Variants in RAPGEF4 observed in about 807,000 individuals in gnomAD.
RAPGEF4 encodes RAP guanine-nucleotide-exchange factor (GEF) 4.
Under a neutral mutation model 147.9 loss-of-function variants are expected in RAPGEF4, and 66 were observed. The observed-to-expected ratio is 0.45, with a 90% CI of 0.37 to 0.55. The LOEUF is 0.55. RAPGEF4 is among the 20% of genes least tolerant of loss of function. RAPGEF4 has a pLI of 0.00. For synonymous variants in RAPGEF4, 419 were observed against 442.7 expected (o/e 0.95, Z 0.67); for missense variants, 1,071 against 1,257.3 (o/e 0.85, Z 2.24).
chr2:172,853,572 C>T (rs1693097385), intron 4 of RAPGEF4, among the ~76,000 whole-genome samples: 1 of 151,756 alleles, frequency 6.6e-6, no homozygotes, highest in Admixed American at 6.6e-5. Flanking sequence ...CGTTCCTTCT[C>T]TTTACTTTGG....
At chr2:173,007,707 A>G (rs1224479970) in intron 17 of RAPGEF4, among the ~76,000 whole-genome samples, 1 of 152,248 alleles carries the variant, frequency 6.6e-6, no homozygotes, top group African/African-American at 2.4e-5. Flanking sequence ...TAGGGAAGCC[A>G]GGATGGGACC....
intron 8 of RAPGEF4, among the ~76,000 whole-genome samples, chr2:172,963,796 G>A (rs1689542168): frequency 6.6e-6 from 1 of 152,154 alleles, no homozygotes; most frequent in Non-Finnish European, 1.5e-5. Flanking sequence ...TATTGCCACA[G>A]TATTCGGGGG....
chr2:172,859,578 T>G (rs1693796240), intron 4 of RAPGEF4, among the ~76,000 whole-genome samples: 1 of 152,234 alleles, frequency 6.6e-6, no homozygotes, highest in Admixed American at 6.5e-5. Flanking sequence ...TGTATGGAAC[T>G]TGCTAAGTCA....
At chr2:172,919,689 A>G (rs1684511419) in intron 5 of RAPGEF4, among the ~76,000 whole-genome samples, 1 of 152,122 alleles carries the variant, frequency 6.6e-6, no homozygotes, top group Admixed American at 6.5e-5. Context: ...CTAAGTTTCC[A>G]GGTGACCTCA....
chr2:172,940,662 A>G (rs1278674360), intron 6 of RAPGEF4, among the ~76,000 whole-genome samples: 3 of 152,256 alleles, frequency 2.0e-5, no homozygotes, highest in African/African-American at 7.2e-5. Context: ...AGTATCAGGT[A>G]TTTCTTTATA....
At chr2:172,875,347 C>T (rs971418433) in intron 4 of RAPGEF4, among the ~76,000 whole-genome samples, 48 of 151,838 alleles carry the variant, frequency 3.2e-4, no homozygotes, top group African/African-American at 1.1e-3. Context: ...AATGGTATTG[C>T]CTAGGTTTTC....
chr2:172,978,044 TC>T, intron 10 of RAPGEF4, among the ~76,000 whole-genome samples: 1 of 152,208 alleles, frequency 6.6e-6, no homozygotes, highest in Non-Finnish European at 1.5e-5. Context: ...TAGGCTTTGT[TC>T]CCTTTAGTCC....
At chr2:172,943,837 A>G (rs1254194259) in intron 6 of RAPGEF4, among the ~76,000 whole-genome samples, 1 of 152,150 alleles carries the variant, frequency 6.6e-6, no homozygotes, top group African/African-American at 2.4e-5. Context: ...TCTGTTCTAT[A>G]TCTTCATAAA....
intron 4 of RAPGEF4, among the ~76,000 whole-genome samples, chr2:172,913,388 G>T (rs1361782763): frequency 6.6e-6 from 1 of 152,184 alleles, no homozygotes; most frequent in Non-Finnish European, 1.5e-5. Flanking sequence ...ACTTCATTAT[G>T]CTCACAGATT....
chr2:172,874,933 G>A (rs1474860165), intron 4 of RAPGEF4, among the ~76,000 whole-genome samples: 32 of 152,216 alleles, frequency 2.1e-4, no homozygotes, highest in African/African-American at 6.0e-4. Flanking sequence ...TTTAATGATC[G>A]CCATTCTAAC....
chr2:172,831,829 A>G, intron 4 of RAPGEF4, among the ~76,000 whole-genome samples: 1 of 152,202 alleles, frequency 6.6e-6, no homozygotes, highest in East Asian at 1.9e-4. Context: ...TTATCCCTGT[A>G]AATTACCTCT....
At chr2:172,810,665 A>G (rs1287634984) in intron 3 of RAPGEF4, among the ~76,000 whole-genome samples, 1 of 152,236 alleles carries the variant, frequency 6.6e-6, no homozygotes. Context: ...AATTGATCTC[A>G]GGTAACCCAG....
At chr2:172,909,632 C>T (rs1395677928) in intron 4 of RAPGEF4, among the ~76,000 whole-genome samples, 1 of 152,138 alleles carries the variant, frequency 6.6e-6, no homozygotes, top group Non-Finnish European at 1.5e-5. Flanking sequence ...TAAAGACCTG[C>T]TGAGTCACCT....
chr2:172,796,433 C>A (rs1304849680), intron 2 of RAPGEF4, among the ~76,000 whole-genome samples: 2 of 151,926 alleles, frequency 1.3e-5, no homozygotes, highest in Non-Finnish European at 2.9e-5. Flanking sequence ...AAAATACAAA[C>A]AATTAGCCGG....
At chr2:172,912,605 A>C (rs1274004621) in intron 4 of RAPGEF4, among the ~76,000 whole-genome samples, 1 of 152,132 alleles carries the variant, frequency 6.6e-6, no homozygotes, top group Non-Finnish European at 1.5e-5. Context: ...TTTATTTTTG[A>C]ACTCTGCAAG....
At chr2:172,796,801 A>C (rs1448951156) in intron 2 of RAPGEF4, among the ~76,000 whole-genome samples, 3 of 152,172 alleles carry the variant, frequency 2.0e-5, no homozygotes, top group Admixed American at 2.0e-4. Flanking sequence ...CTCTGACTTT[A>C]AGTGTGAAGA....
rs1553533393 is a variant in RAPGEF4 at position 172,931,174 on chromosome 2, G to GC, written c.537+8874_537+8875insC. Among the ~76,000 whole-genome samples the GC allele has an allele frequency of 7.1e-5, 7 of 98,230 alleles. 1 individual carries two copies. The highest frequency in any genetic ancestry group is 1.1e-3 in the South Asian group (2 of 1,902). The allele number at this position is 98,230 out of a possible 152,430, so 64.4% of individuals were successfully genotyped here. On this transcript the variant is annotated intron_variant, in intron 6 of 30. Coordinates refer to ENST00000397081, the MANE Select transcript of RAPGEF4 (RefSeq NM_007023.4). ...AGTAAGATCAAGCCAGGCCGGGGTG[G>GC]GGGGGGGGGGCGCTGGGGGGCGGGG...
intron 4 of RAPGEF4, among the ~76,000 whole-genome samples, chr2:172,862,981 A>C (rs1694201132): frequency 6.6e-6 from 1 of 152,166 alleles, no homozygotes; most frequent in Non-Finnish European, 1.5e-5. Context: ...AGGGTGGAAC[A>C]GTACCTTTGA....
chr2:172,961,271 T>C (rs1689264530), intron 8 of RAPGEF4, 43 bp downstream of exon 8: 1 of 1,434,674 alleles, frequency 7.0e-7, no homozygotes. Context: ...CTCATATTCA[T>C]GTTTAGTGAA....
Sources: allele counts gnomAD v4.1 joint callset (sites outside exome capture counted in the v4.1 genomes callset), GRCh38; gene constraint gnomAD v4.1.1; transcripts MANE v1.5; gene names NCBI Gene and HGNC (gene_info 2026-07-23, HGNC 2026-07-21).